USP31: variants seen among roughly 807,000 people sequenced by gnomAD.
USP31 encodes the protein ubiquitin specific peptidase 31.
In USP31, 44 loss-of-function variants were observed where a neutral mutation model predicts 119.4. That is an observed-to-expected ratio of 0.37 (90% CI 0.29 to 0.47). The LOEUF is 0.47. Among genes scored for constraint, USP31 ranks in the 20% least tolerant of loss-of-function variants. The probability of loss-of-function intolerance (pLI) is 0.99; values close to 1 mark genes in which losing one functional copy is unlikely to be tolerated. For synonymous variants in USP31, 749 were observed against 705.6 expected (o/e 1.06, Z -0.97); for missense variants, 1,643 against 1,730.2 (o/e 0.95, Z 0.89).
intron 1 of USP31, among the ~76,000 whole-genome samples, chr16:23,117,677 T>C (rs1402988954): frequency 2.0e-5 from 3 of 151,984 alleles, no homozygotes; most frequent in Admixed American, 1.3e-4. Context: ...AACTATGCAG[T>C]AGAAAAAGAA....
chr16:23,102,232 T>C (rs924970716), intron 6 of USP31, 87 bp downstream of exon 6: 17 of 1,334,440 alleles, frequency 1.3e-5, no homozygotes, highest in Non-Finnish European at 1.6e-5. Flanking sequence ...AAAAAATGTA[T>C]ATCATTATAT....
chr16:23,132,514 GC>G (rs1267927960), intron 1 of USP31, among the ~76,000 whole-genome samples: 1 of 152,030 alleles, frequency 6.6e-6, no homozygotes, highest in Non-Finnish European at 1.5e-5. Context: ...AACAAAAGTA[GC>G]AGAGTCAAAC....
chr16:23,144,127 A>C (rs1006550117), intron 1 of USP31, among the ~76,000 whole-genome samples: 1 of 152,188 alleles, frequency 6.6e-6, no homozygotes, highest in Non-Finnish European at 1.5e-5. Context: ...CAAGCTCCTA[A>C]AACTCAAATC....
At chr16:23,137,343 G>A (rs1903224087) in intron 1 of USP31, among the ~76,000 whole-genome samples, 1 of 152,202 alleles carries the variant, frequency 6.6e-6, no homozygotes, top group African/African-American at 2.4e-5. Flanking sequence ...CATTATTGGT[G>A]AGAATGTAAA....
rs760697792 is a variant in USP31 at position 23,072,047 on chromosome 16, T to A, written c.2486A>T (p.Asp829Val). 6.2e-7 allele frequency: 1 copy of A among 1,609,606 alleles called. No individual in the cohort carries two copies. Among genetic ancestry groups the A allele is most frequent in the African/African-American group, 1.3e-5 (1 of 74,780 alleles). ...TTGTCACCAAAACCCACACCCACCATCATCTTCACTCCTTTCTCCAGTCAT... is the reference window on the plus strand; with the variant it reads ...TTGTCACCAAAACCCACACCCACCAACATCTTCACTCCTTTCTCCAGTCAT... ...VEMTGERSED[D>V]GGFSTRPFVR... Residue 829 changes from aspartate to valine, a missense_variant and splice_region_variant, in exon 15 of 16, where the codon GAT (aspartate) becomes GTT (valine). By Grantham distance (152) the Asp-to-Val change is radical. This residue lies in a region of USP31 where 279 missense variants were observed against 372.2 expected (regional missense o/e 0.75). Transcript: ENST00000219689.
At chr16:23,141,645 G>C (rs1903355953) in intron 1 of USP31, among the ~76,000 whole-genome samples, 1 of 152,140 alleles carries the variant, frequency 6.6e-6, no homozygotes, top group Non-Finnish European at 1.5e-5. Flanking sequence ...CCAAAGTGCT[G>C]GGATTACAGG....
In USP31 at chr16:23,084,956, A is replaced by C. The variant is rs1901043609; in HGVS notation, c.1734T>G (p.Pro578=). The C allele has an allele frequency of 1.2e-6, 2 of 1,614,172 alleles. No homozygotes were observed. The highest frequency in any genetic ancestry group is 1.7e-6 in the Non-Finnish European group (2 of 1,180,004). Residue 578 remains proline (P), a synonymous_variant, in exon 11 of 16, where the codon CCT becomes CCG. Transcript: ENST00000219689. ...TTTGCAGACGAACACTTTCTGCATC[A>C]GGAATATACTCATCCTCAGTATTTA... is the stretch of plus-strand genomic sequence containing the variant. The part of the protein sequence containing the change: ...LFVNTEDEYI[P]DAESVRLQRE...
intron 6 of USP31, among the ~76,000 whole-genome samples, chr16:23,099,188 C>CATTT (rs1285251917): frequency 6.6e-6 from 1 of 152,158 alleles, no homozygotes; most frequent in Non-Finnish European, 1.5e-5. Context: ...CAAAAGAAGA[C>CATTT]ATTTATGCAG....
Position 23,085,637 on chromosome 16 carries a change from C to T in USP31, c.1648G>A (p.Gly550Ser), listed in dbSNP as rs1278142743. The T allele has an allele frequency of 8.7e-6, 14 of 1,613,908 alleles. No individual in the cohort carries two copies. The highest frequency in any genetic ancestry group is 1.0e-5 in the Non-Finnish European group (12 of 1,179,980). The change falls in exon 10 of 16, where the codon GGC becomes AGC. Residue 550 changes from glycine to serine, a missense_variant. Gly to Ser is a moderately conservative substitution (Grantham distance 56). This residue lies in a region of USP31 where 219 missense variants were observed against 226.4 expected (regional missense o/e 0.97). Transcript: ENST00000219689. Reference sequence around the variant, plus strand: ...ACTACTAATTTCACATGAGCAGTGCCACCTGGTCCACAAGATTTTAATGCC... The same window carrying T: ...ACTACTAATTTCACATGAGCAGTGCTACCTGGTCCACAAGATTTTAATGCC... Reference protein sequence around the residue: ...ERALKSCGPGGTAHVKLVVEW... With the variant: ...ERALKSCGPGSTAHVKLVVEW...
intron 1 of USP31, among the ~76,000 whole-genome samples, chr16:23,143,478 A>C (rs1240387729): frequency 1.3e-5 from 2 of 152,042 alleles, no homozygotes; most frequent in Non-Finnish European, 2.9e-5. Context: ...TTTTACTAGG[A>C]AAGTGATGCA....
At chr16:23,122,760 T>G (rs1391877746) in intron 1 of USP31, among the ~76,000 whole-genome samples, 5 of 152,122 alleles carry the variant, frequency 3.3e-5, no homozygotes, top group Non-Finnish European at 7.4e-5. Context: ...AGACACAATG[T>G]AGCTTAGTGT....
At chr16:23,073,016 T>C (rs968310988) in intron 14 of USP31, among the ~76,000 whole-genome samples, 4 of 152,010 alleles carry the variant, frequency 2.6e-5, no homozygotes, top group Non-Finnish European at 4.4e-5. Flanking sequence ...TGATTGCACA[T>C]CACCACATTC....
chr16:23,067,766 C>A lies in USP31; in HGVS notation c.*280G>T. 1 of 290,126 alleles carries A rather than the reference C, an allele frequency of 3.4e-6. No homozygotes were observed. Among genetic ancestry groups the A allele is most frequent in the Non-Finnish European group, 6.4e-6 (1 of 156,518 alleles). The allele number at this position is 290,126 out of a possible 1,614,324, so 18.0% of individuals were successfully genotyped here. On this transcript the variant is annotated 3_prime_UTR_variant, in exon 16 of 16. Coordinates refer to ENST00000219689, the MANE Select transcript of USP31 (RefSeq NM_020718.4). The stretch of plus-strand genomic sequence containing the variant: ...CTCTAGAAAGAAATATGTACAATTG[C>A]TAAAGGGACCGTCCTGGGTATCGTC...
At chr16:23,074,959 T>C (rs1900500708) in intron 13 of USP31, among the ~76,000 whole-genome samples, 1 of 152,186 alleles carries the variant, frequency 6.6e-6, no homozygotes, top group African/African-American at 2.4e-5. Flanking sequence ...AGACTCAGGA[T>C]GGCCCCAGGG....
At chr16:23,080,622 C>T (rs1236322620) in intron 12 of USP31, among the ~76,000 whole-genome samples, 1 of 152,186 alleles carries the variant, frequency 6.6e-6, no homozygotes, top group Non-Finnish European at 1.5e-5. Flanking sequence ...ACAGGCACAT[C>T]ACAAGGCAAC....
chr16:23,072,468 G>C (rs1469666413), intron 14 of USP31: 3 of 596,350 alleles, frequency 5.0e-6, no homozygotes, highest in African/African-American at 3.7e-5. Context: ...ATGTAAGTCT[G>C]AGTCTAAAGA....
In USP31 at chr16:23,134,674, TAA is replaced by T. The variant is rs371982166; in HGVS notation, c.633+13962_633+13963del. Among the ~76,000 whole-genome samples the T allele has an allele frequency of 4.6e-3, 398 of 86,818 alleles. 2 individuals carry two copies. Among genetic ancestry groups the T allele is most frequent in the Middle Eastern group, 0.012 (2 of 170 alleles). 57.0% of individuals were successfully genotyped at this position (86,818 alleles called of 152,430 possible). On this transcript the variant is annotated intron_variant, in intron 1 of 15. Coordinates refer to ENST00000219689, the MANE Select transcript of USP31 (RefSeq NM_020718.4). ...TTTTAGAACACAGTAGAAACAAAGC[TAA>T]AAAAAAAAAAAAAAGAAAGAAAGAA... is the stretch of plus-strand genomic sequence containing the variant.
chr16:23,116,222 CA>C (rs915822966), intron 1 of USP31, among the ~76,000 whole-genome samples: 1 of 151,172 alleles, frequency 6.6e-6, no homozygotes, highest in Non-Finnish European at 1.5e-5. Flanking sequence ...AACAAACAAA[CA>C]AAAAAAACAG....
chr16:23,070,609 G>T (rs1308603529), intron 15 of USP31, among the ~76,000 whole-genome samples: 1 of 152,014 alleles, frequency 6.6e-6, no homozygotes, highest in Non-Finnish European at 1.5e-5. Context: ...AGCTGCTGGG[G>T]AGGCTGAGGC....
Sources: gnomAD v4.1 joint callset for allele counts (sites outside exome capture counted in the v4.1 genomes callset) on GRCh38, gnomAD v4.1.1 for gene constraint, gnomAD v4.1.1 regional missense constraint, MANE v1.5 for transcripts, NCBI Gene and HGNC (gene_info 2026-07-23, HGNC 2026-07-21) for gene names.